Variants in TRIM9 observed in about 807,000 individuals in gnomAD.
The protein encoded by TRIM9 is E3 ubiquitin-protein ligase TRIM9.
A neutral mutation model predicts 78.3 loss-of-function variants in TRIM9; 26 were observed. The ratio of observed to expected loss-of-function variants is 0.33; its 90% confidence interval spans 0.24 to 0.46. TRIM9 has a LOEUF of 0.46. TRIM9 is among the 20% of genes least tolerant of loss of function. The probability of loss-of-function intolerance (pLI) is 1.00; values close to 1 mark genes in which losing one functional copy is unlikely to be tolerated. For synonymous variants in TRIM9, 398 were observed against 416.5 expected, an observed-to-expected ratio of 0.96 and a Z score of 0.54; for missense variants, 787 against 1,036.4, an observed-to-expected ratio of 0.76 and a Z score of 3.30.
At position 50,977,115 on chromosome 14, in the gene TRIM9, A is replaced by T; in HGVS notation, c.*176T>A. The stretch of plus-strand genomic sequence containing the variant: ...GGAAGCAGGCATGACAGCGGAGGAG[A>T]GGTTGAAAGGGAAAAGGGCAGAGCT... On this transcript the variant is annotated 3_prime_UTR_variant, in exon 13 of 13. Coordinates refer to ENST00000684578, the MANE Select transcript of TRIM9 (RefSeq NM_001387360.1). 1 of 400,760 alleles carries T rather than the reference A, an allele frequency of 2.5e-6. No individual in the cohort carries two copies. Among genetic ancestry groups the T allele is most frequent in the Non-Finnish European group, 4.4e-6 (1 of 229,408 alleles). The allele number at this position is 400,760 out of a possible 1,614,324, so 24.8% of individuals were successfully genotyped here. A position where few individuals can be genotyped will look rare whatever the true frequency, so the allele number is the denominator to read the frequency against.
intron 12 of TRIM9, chr14:50,979,174 T>A: frequency 7.0e-7 from 1 of 1,438,116 alleles, no homozygotes; most frequent in Non-Finnish European, 9.1e-7. Context: ...TGCTATTAAC[T>A]AGTCTGCGTC....
chr14:51,079,279 A>T (rs1016035895), intron 1 of TRIM9, among the ~76,000 whole-genome samples: 1 of 152,228 alleles, frequency 6.6e-6, no homozygotes, highest in Non-Finnish European at 1.5e-5. Context: ...TAATTGGCCA[A>T]TCTTTGGCTA....
intron 1 of TRIM9, among the ~76,000 whole-genome samples, chr14:51,036,971 TC>T (rs1319826638): frequency 6.6e-6 from 1 of 152,192 alleles, no homozygotes; most frequent in African/African-American, 2.4e-5. Flanking sequence ...GATTTATATT[TC>T]CTTTAATAGC....
chr14:51,053,575 ATTTTCTTTTTTTTTTTTTAAT>A (rs2060622296), intron 1 of TRIM9, among the ~76,000 whole-genome samples: 1 of 75,732 alleles, frequency 1.3e-5, no homozygotes, highest in East Asian at 3.2e-4. Flanking sequence ...TTACTTTTTA[ATTTTCTTTTTTTTTTTTTAAT>A]TTTTTTTTTT....
At chr14:51,031,938 TGA>T (rs1342263297) in intron 1 of TRIM9, among the ~76,000 whole-genome samples, 3 of 152,200 alleles carry the variant, frequency 2.0e-5, no homozygotes, top group African/African-American at 7.2e-5. Flanking sequence ...CCTGACTCTA[TGA>T]GCTGTGTGGA....
At chr14:51,002,919 C>T (rs1015140109) in intron 5 of TRIM9, among the ~76,000 whole-genome samples, 3 of 152,200 alleles carry the variant, frequency 2.0e-5, no homozygotes, top group Non-Finnish European at 4.4e-5. Flanking sequence ...TAAGCTTCAA[C>T]GGCACAGGGT....
intron 1 of TRIM9, among the ~76,000 whole-genome samples, chr14:51,068,979 A>G (rs11846120): frequency 0.78 from 119,199 of 152,130 alleles, 47,084 homozygotes; most frequent in African/African-American, 0.89. Context: ...GGCAGTGATT[A>G]GTCTGATAGA....
chr14:51,006,982 A>G (rs1204593028), intron 5 of TRIM9, among the ~76,000 whole-genome samples: 3 of 152,122 alleles, frequency 2.0e-5, no homozygotes, highest in Non-Finnish European at 4.4e-5. Context: ...CTCCAGCTCA[A>G]TCTCTACCAT....
intron 4 of TRIM9, 77 bp downstream of exon 4, chr14:51,010,307 G>T: frequency 2.5e-6 from 3 of 1,178,970 alleles, no homozygotes; most frequent in Non-Finnish European, 3.8e-6. Flanking sequence ...CAGGGCTGTT[G>T]GAAGTCTGAC....
chr14:51,025,350 G>A lies in TRIM9; in HGVS notation c.833C>T (p.Ser278Phe). 6.2e-7 allele frequency: 1 copy of A among 1,614,128 alleles called. No individual in the cohort carries two copies. Among genetic ancestry groups the A allele is most frequent in the Non-Finnish European group, 8.5e-7 (1 of 1,180,002 alleles). Residue 278 changes from serine (S) to phenylalanine (F), a missense_variant, in exon 2 of 13, where the codon TCC becomes TTC. By Grantham distance (155) the Ser-to-Phe change is radical. This residue lies in a region of TRIM9 where 352 missense variants were observed against 472.3 expected (regional missense o/e 0.75). Coordinates refer to ENST00000684578, the MANE Select transcript of TRIM9 (RefSeq NM_001387360.1). ...AMWKLHKSQLSQALNGLSDRA... is the reference protein window; with the variant it reads ...AMWKLHKSQLFQALNGLSDRA... ...GTCTGACAGTCCGTTCAGCGCCTGGGAGAGCTGGCTCTGCAAAGACAAAGA... is the reference window on the plus strand; with the variant it reads ...GTCTGACAGTCCGTTCAGCGCCTGGAAGAGCTGGCTCTGCAAAGACAAAGA...
intron 10 of TRIM9, 44 bp from the exon 11 acceptor site, chr14:50,982,147 C>A (rs1258124315): frequency 1.2e-6 from 2 of 1,600,160 alleles, no homozygotes; most frequent in Admixed American, 1.7e-5. Flanking sequence ...ACAGACCCAA[C>A]AAGCTCAGCA....
chr14:51,010,588 T>A lies in TRIM9; in HGVS notation c.1042-94A>T, dbSNP rs1404160685. Reference sequence around the variant, plus strand: ...ATTGGAAAGCTTCTTCAAACCAGAATCCATTCCATTCTGGAATGGAACTAA... The same window carrying A: ...ATTGGAAAGCTTCTTCAAACCAGAAACCATTCCATTCTGGAATGGAACTAA... On this transcript the variant is annotated intron_variant, in intron 3 of 12. Transcript: ENST00000684578. The A allele has an allele frequency of 4.6e-6, 4 of 875,358 alleles. No homozygotes were observed. In the African/African-American group the frequency reaches 6.8e-5, roughly 15 times the overall value. The allele number at this position is 875,358 out of a possible 1,614,324, so 54.2% of individuals were successfully genotyped here.
intron 7 of TRIM9, among the ~76,000 whole-genome samples, chr14:50,991,279 C>T (rs1463326192): frequency 6.6e-6 from 1 of 152,160 alleles, no homozygotes; most frequent in Non-Finnish European, 1.5e-5. Context: ...AAATAGGGTT[C>T]TGAATCTCAG....
Position 50,994,920 on chromosome 14 carries a change from G to T in TRIM9, c.1603+3130C>A, listed in dbSNP as rs565361530. ...AATTTGGTTTAGATGTGCAACTGGCGTTTTTTCCATGGGTGTCTTTGATAC... is the reference window on the plus strand; with the variant it reads ...AATTTGGTTTAGATGTGCAACTGGCTTTTTTTCCATGGGTGTCTTTGATAC... On this transcript the variant is annotated intron_variant, in intron 7 of 12. Coordinates refer to ENST00000684578, the MANE Select transcript of TRIM9 (RefSeq NM_001387360.1). 2.0e-5 allele frequency among the ~76,000 whole-genome samples: 3 copies of T among 152,316 alleles called. No homozygotes were observed. In the South Asian group the frequency reaches 6.2e-4, roughly 32 times the overall value.
At chr14:51,092,312 T>C (rs1025720607) in intron 1 of TRIM9, among the ~76,000 whole-genome samples, 1 of 152,228 alleles carries the variant, frequency 6.6e-6, no homozygotes, top group Non-Finnish European at 1.5e-5. Context: ...ATAGGTTATA[T>C]GTGAGAATAG....
intron 1 of TRIM9, among the ~76,000 whole-genome samples, chr14:51,044,718 A>G (rs1404269566): frequency 2.6e-5 from 4 of 152,220 alleles, no homozygotes; most frequent in Non-Finnish European, 4.4e-5. Context: ...GTGAGTGAAG[A>G]ATAAATCATG....
chr14:50,998,085 G>A lies in TRIM9; in HGVS notation c.1568C>T (p.Pro523Leu), dbSNP rs768445636. ...VKAFNKTGVS[P>L]YSKTLVLQTS... ...TTGGAGGACCAGGGTCTTGCTGTAC[G>A]GGCTGACTCCTGTTTTGTTGAAGGC... Residue 523 changes from proline (P) to leucine (L), a missense_variant, in exon 7 of 13, where the codon CCG (proline) becomes CTG (leucine). Coordinates refer to ENST00000684578, the MANE Select transcript of TRIM9 (RefSeq NM_001387360.1). The A allele has an allele frequency of 6.8e-6, 11 of 1,614,056 alleles. No homozygotes were observed. The highest frequency in any genetic ancestry group is 5.0e-5 in the Admixed American group (3 of 60,012).
intron 1 of TRIM9, among the ~76,000 whole-genome samples, chr14:51,049,636 G>A (rs2060232878): frequency 6.6e-6 from 1 of 152,008 alleles, no homozygotes; most frequent in South Asian, 2.1e-4. Flanking sequence ...GACCAGCCAG[G>A]CCAAAATGGT....
At chr14:51,012,165 C>T (rs1217156261) in intron 3 of TRIM9, among the ~76,000 whole-genome samples, 2 of 152,154 alleles carry the variant, frequency 1.3e-5, no homozygotes, top group Non-Finnish European at 2.9e-5. Context: ...CTATCACCAC[C>T]ATCCATCTCC....
Sources: allele counts gnomAD v4.1 joint callset (sites outside exome capture counted in the v4.1 genomes callset), GRCh38; gene constraint gnomAD v4.1.1; regional missense constraint gnomAD v4.1.1; transcripts MANE v1.5; gene names NCBI Gene and HGNC (gene_info 2026-07-23, HGNC 2026-07-21).